Variants in ADGRG6 observed in about 807,000 individuals in gnomAD.
The protein encoded by ADGRG6 is G-protein coupled receptor 126.
ADGRG6 carries 84 observed loss-of-function variants against 142.4 expected under a neutral mutation model. That is an observed-to-expected ratio of 0.59 (90% CI 0.49 to 0.71). ADGRG6 has a LOEUF of 0.71. ADGRG6 is among the 30% of genes least tolerant of loss of function. The pLI is 0.00. For missense variants in ADGRG6, 1,367 were observed against 1,466.6 expected (o/e 0.93, Z 1.11); for synonymous variants, 521 against 520.5 (o/e 1.00, Z -0.01).
At position 142,400,467 on chromosome 6, in the gene ADGRG6, G is replaced by T. The variant is rs1375617852; in HGVS notation, c.1568-18G>T. ...AAATAGGTGAATATTTCTCATGCTGGTTCTTATGTTCATATAGGTCATTGT... is the reference window on the plus strand; with the variant it reads ...AAATAGGTGAATATTTCTCATGCTGTTTCTTATGTTCATATAGGTCATTGT... On this transcript the variant is annotated intron_variant, in intron 10 of 24. Transcript: ENST00000367609. 3 of 1,174,130 alleles carry T rather than the reference G, an allele frequency of 2.6e-6. No individual in the cohort carries two copies. In the African/African-American group the frequency reaches 4.5e-5, roughly 18 times the overall value. 72.7% of individuals were successfully genotyped at this position (1,174,130 alleles called of 1,614,324 possible).
intron 2 of ADGRG6, among the ~76,000 whole-genome samples, chr6:142,355,923 T>C (rs769133732): frequency 1.8e-4 from 28 of 152,208 alleles, no homozygotes; most frequent in Non-Finnish European, 3.5e-4. Flanking sequence ...TTCAAGCATG[T>C]TTTTGCCGCA....
chr6:142,442,902 A>C (rs1054860565), intron 24 of ADGRG6, among the ~76,000 whole-genome samples: 2 of 152,154 alleles, frequency 1.3e-5, no homozygotes, highest in African/African-American at 2.4e-5. Context: ...ATTTATAGCC[A>C]GTTATACACC....
intron 22 of ADGRG6, among the ~76,000 whole-genome samples, chr6:142,432,692 G>T (rs913315294): frequency 4.6e-5 from 7 of 152,114 alleles, no homozygotes; most frequent in African/African-American, 1.4e-4. Context: ...CTAAAAAATT[G>T]TTTTATTAAG....
At chr6:142,424,932 T>C (rs934554389) in intron 22 of ADGRG6, among the ~76,000 whole-genome samples, 1 of 152,070 alleles carries the variant, frequency 6.6e-6, no homozygotes, top group Non-Finnish European at 1.5e-5. Context: ...ATTAACTAGA[T>C]GAAAGATGGG....
chr6:142,306,208 A>C, intron 1 of ADGRG6, among the ~76,000 whole-genome samples: 1 of 152,164 alleles, frequency 6.6e-6, no homozygotes, highest in East Asian at 1.9e-4. Flanking sequence ...ACTTTTGGGG[A>C]AACCAGTAGG....
At chr6:142,434,455 G>T (rs192343536) in intron 22 of ADGRG6, among the ~76,000 whole-genome samples, 3 of 152,078 alleles carry the variant, frequency 2.0e-5, no homozygotes, top group East Asian at 3.9e-4. Context: ...CTCCTGAGTA[G>T]CTAGGATTAC....
At chr6:142,435,606 A>G (rs935337407) in intron 22 of ADGRG6, among the ~76,000 whole-genome samples, 5 of 152,210 alleles carry the variant, frequency 3.3e-5, no homozygotes. Flanking sequence ...GTTACCATTC[A>G]TTCCATCAAT....
intron 1 of ADGRG6, among the ~76,000 whole-genome samples, chr6:142,307,106 C>A (rs1041998979): frequency 6.6e-6 from 1 of 152,040 alleles, no homozygotes; most frequent in East Asian, 1.9e-4. Flanking sequence ...GTTGCCTGAG[C>A]GCATAAACAG....
chr6:142,404,071 C>T, intron 14 of ADGRG6, 98 bp downstream of exon 14: 1 of 867,640 alleles, frequency 1.2e-6, no homozygotes, highest in Middle Eastern at 2.3e-4. Context: ...GGTCTTGGTC[C>T]ATGAAGTGGC....
Position 142,403,964 on chromosome 6 carries a change from G to A in ADGRG6, c.2118G>A (p.Ser706=), listed in dbSNP as rs375508950. 50 of 1,603,140 alleles carry A rather than the reference G, an allele frequency of 3.1e-5. No homozygotes were observed. In the East Asian group the frequency reaches 3.3e-4, roughly 11 times the overall value. ...TTGGTCTTCCAAGCAATAATGAATC[G>A]TATTTCCAGGTAATGAGCCAGTGGT... ...FSIGLPSNNE[S]YFQMDFESGQ... Residue 706 remains serine (S), a synonymous_variant, in exon 14 of 25, where the codon TCG becomes TCA. Coordinates refer to ENST00000367609, the MANE Select transcript of ADGRG6 (RefSeq NM_198569.3).
rs78213227 is a variant in ADGRG6, at chr6:142,419,780, G to A, written c.3036-41G>A. On this transcript the variant is annotated intron_variant, in intron 21 of 24. Coordinates refer to ENST00000367609, the MANE Select transcript of ADGRG6 (RefSeq NM_198569.3). The stretch of plus-strand genomic sequence containing the variant: ...AAAAGTCTTAGGTAAACAGGACATG[G>A]TAATAAATCTTTTTTTCTTTCTCAT... 8,427 of 1,485,074 alleles carry A rather than the reference G, an allele frequency of 5.7e-3. 47 individuals are homozygous for A. The highest frequency in any genetic ancestry group is 7.1e-3 in the Non-Finnish European group (7,658 of 1,085,452). The allele number at this position is 1,485,074 out of a possible 1,614,324, so 92.0% of individuals were successfully genotyped here.
At chr6:142,397,513 G>A (rs1349994696) in intron 9 of ADGRG6, 100 bp from the exon 10 acceptor site, 29 of 1,017,690 alleles carry the variant, frequency 2.8e-5, no homozygotes, top group South Asian at 1.5e-5. Context: ...GTCTCAACAG[G>A]TGATGGTCAT....
At chr6:142,367,222 C>T (rs894843049) in intron 2 of ADGRG6, among the ~76,000 whole-genome samples, 50 of 152,262 alleles carry the variant, frequency 3.3e-4, no homozygotes, top group African/African-American at 1.2e-3. Flanking sequence ...GTGAAATTCG[C>T]TGTTGCCTCC....
At chr6:142,389,927 T>C (rs1364628250) in intron 6 of ADGRG6, among the ~76,000 whole-genome samples, 6 of 151,778 alleles carry the variant, frequency 4.0e-5, no homozygotes, top group East Asian at 1.9e-4. Context: ...AGAAGTCAAA[T>C]TGTACATGAA....
intron 2 of ADGRG6, among the ~76,000 whole-genome samples, chr6:142,331,290 T>C (rs1484402723): frequency 1.2e-4 from 19 of 152,142 alleles, no homozygotes; most frequent in African/African-American, 2.4e-5. Context: ...CTGAATCTTA[T>C]GGCTCCTTTA....
chr6:142,441,684 T>C (rs1214537772), intron 24 of ADGRG6, among the ~76,000 whole-genome samples: 1 of 152,184 alleles, frequency 6.6e-6, no homozygotes, highest in Non-Finnish European at 1.5e-5. Flanking sequence ...TCTGAGGATA[T>C]GTGGTTTTCT....
At chr6:142,330,020 A>G (rs910809073) in intron 2 of ADGRG6, among the ~76,000 whole-genome samples, 1 of 152,124 alleles carries the variant, frequency 6.6e-6, no homozygotes, top group Middle Eastern at 3.4e-3. Context: ...AAGGAAAACA[A>G]CATATTCTGC....
chr6:142,309,668 C>G lies in ADGRG6; in HGVS notation c.103+24C>G, dbSNP rs906676834. On this transcript the variant is annotated intron_variant, in intron 2 of 24. Coordinates refer to ENST00000367609, the MANE Select transcript of ADGRG6 (RefSeq NM_198569.3). ...AGGTAAGACTCTTCCTCTTTCACAC[C>G]TGGAATTTAATCATGATGACATTGT... 5.7e-6 allele frequency: 8 copies of G among 1,404,654 alleles called. No individual in the cohort carries two copies. In the African/African-American group the frequency reaches 1.0e-4, roughly 17 times the overall value. The allele number at this position is 1,404,654 out of a possible 1,614,324, so 87.0% of individuals were successfully genotyped here. A position where few individuals can be genotyped will look rare whatever the true frequency, so the allele number is the denominator to read the frequency against.
At chr6:142,341,489 TATAATATTATATAGTATATATACTAC>T (rs1562323818) in intron 2 of ADGRG6, among the ~76,000 whole-genome samples, 4 of 118,296 alleles carry the variant, frequency 3.4e-5, no homozygotes, top group Admixed American at 1.1e-4. Flanking sequence ...ATATATACTA[TATAATATTATATAGTATATATACTAC>T]ATAATATTAT....
Sources: gnomAD v4.1 joint callset for allele counts (sites outside exome capture counted in the v4.1 genomes callset) on GRCh38, gnomAD v4.1.1 for gene constraint, MANE v1.5 for transcripts, NCBI Gene and HGNC (gene_info 2026-07-23, HGNC 2026-07-21) for gene names.